Variants in ROCK1 observed in about 807,000 individuals in gnomAD.
The protein encoded by ROCK1 is rho-associated protein kinase 1.
Under a neutral mutation model 196.8 loss-of-function variants are expected in ROCK1, and 36 were observed. The ratio of observed to expected loss-of-function variants is 0.18; its 90% CI spans 0.14 to 0.24. ROCK1 has a LOEUF of 0.24. Among genes scored for constraint, ROCK1 ranks in the 10% least tolerant of loss-of-function variants. The pLI is 1.00. For missense variants in ROCK1, 920 were observed against 1,562.0 expected (o/e 0.59, Z 6.93); for synonymous variants, 443 against 515.9 (o/e 0.86, Z 1.91).
At chr18:20,966,695 C>T (rs955378842) in intron 27 of ROCK1, among the ~76,000 whole-genome samples, 24 of 152,122 alleles carry the variant, frequency 1.6e-4, no homozygotes, top group African/African-American at 5.8e-4. Context: ...TCAGGTAAAG[C>T]TTCTTAGGTC....
At chr18:21,007,935 G>GTTATTTAGCTTATAAAGCTAATAAC (rs1302246377) in intron 14 of ROCK1, 124 bp downstream of exon 14, 3 of 467,302 alleles carry the variant, frequency 6.4e-6, no homozygotes, top group Admixed American at 4.5e-5. Flanking sequence ...TGAGACCTGG[G>GTTATTTAGCTTATAAAGCTAATAAC]TTATTTAGCT....
intron 29 of ROCK1, among the ~76,000 whole-genome samples, chr18:20,959,454 C>T (rs1451535035): frequency 2.0e-5 from 3 of 151,128 alleles, no homozygotes; most frequent in Non-Finnish European, 4.4e-5. Flanking sequence ...TCAGGTGATC[C>T]ACCTGCCTCG....
chr18:20,973,168 C>T (rs576611524), intron 22 of ROCK1, among the ~76,000 whole-genome samples: 2 of 152,306 alleles, frequency 1.3e-5, no homozygotes, highest in African/African-American at 4.8e-5. Flanking sequence ...CGTGAGCCAC[C>T]ACGCCCGGTG....
chr18:21,074,944 T>G (rs543240329), intron 1 of ROCK1, among the ~76,000 whole-genome samples: 1 of 151,518 alleles, frequency 6.6e-6, no homozygotes, highest in African/African-American at 2.4e-5. Context: ...AATCTAGAGG[T>G]GAAAAGCAAC....
At position 21,111,001 on chromosome 18, in the gene ROCK1, G is replaced by T; in HGVS notation, c.-91C>A. The T allele has an allele frequency of 1.9e-6, 2 of 1,072,206 alleles. No homozygotes were observed. Among genetic ancestry groups the T allele is most frequent in the Non-Finnish European group, 2.8e-6 (2 of 705,664 alleles). The allele number at this position is 1,072,206 out of a possible 1,614,324, so 66.4% of individuals were successfully genotyped here. On this transcript the variant is annotated 5_prime_UTR_variant, in exon 1 of 33. Transcript: ENST00000399799. This position sits in a 1 kb window ranked among gnomAD's most constrained non-coding sequence, Gnocchi z 4.2. The stretch of plus-strand genomic sequence containing the variant: ...CCTCCGCGGTGGGTTCGCAGCCGCG[G>T]GGCGGAGGAGCCGGAACCTCAGGGT...
At position 21,022,277 on chromosome 18, in the gene ROCK1, G is replaced by A. The variant is rs562110835; in HGVS notation, c.1272+1343C>T. On this transcript the variant is annotated intron_variant, in intron 11 of 32. Transcript: ENST00000399799. ...TTAACCCAAAAGGACCTTCTGAAAT[G>A]TAAGCAAGTAAGATTTTGTTTTACC... is the stretch of plus-strand genomic sequence containing the variant. Among the ~76,000 whole-genome samples the A allele has an allele frequency of 3.4e-4, 52 of 152,232 alleles. 1 individual carries two copies. The South Asian group carries it at 8.3e-3, about 24-fold the overall frequency.
chr18:21,093,244 C>G (rs1474773420), intron 1 of ROCK1, among the ~76,000 whole-genome samples: 1 of 152,196 alleles, frequency 6.6e-6, no homozygotes, highest in Non-Finnish European at 1.5e-5. Context: ...CACAAGTTCT[C>G]TGGTGGACAA....
intron 1 of ROCK1, among the ~76,000 whole-genome samples, chr18:21,092,042 T>C (rs1427349118): frequency 2.0e-5 from 3 of 152,126 alleles, no homozygotes; most frequent in African/African-American, 7.2e-5. Flanking sequence ...ATGCAGATTT[T>C]CAATTATTAG....
chr18:21,070,065 GAAAT>G lies in ROCK1; in HGVS notation c.175+463_175+466del, dbSNP rs577130773. ...TATCAATATTTATAGTTCAGAAACA[GAAAT>G]AAATAAAGTAAGGAGGACTTTATGA... On this transcript the variant is annotated intron_variant, in intron 2 of 32. Transcript: ENST00000399799. Among the ~76,000 whole-genome samples, 812 of 151,940 alleles carry G rather than the reference GAAAT, an allele frequency of 5.3e-3. 4 individuals carry two copies. Among genetic ancestry groups the G allele is most frequent in the African/African-American group, 0.016 (655 of 41,516 alleles).
intron 2 of ROCK1, among the ~76,000 whole-genome samples, chr18:21,069,301 T>A (rs138604817): frequency 6.6e-6 from 1 of 152,136 alleles, no homozygotes; most frequent in Admixed American, 6.5e-5. Context: ...GCATAAACTA[T>A]CCTTGGTCAT....
At chr18:21,072,522 A>C (rs1241581766) in intron 1 of ROCK1, among the ~76,000 whole-genome samples, 1 of 152,208 alleles carries the variant, frequency 6.6e-6, no homozygotes, top group Non-Finnish European at 1.5e-5. Flanking sequence ...CAGGAACCTT[A>C]GCTTTTATTC....
Position 21,026,411 on chromosome 18 carries a change from TC to T in ROCK1, c.1211+2364del, listed in dbSNP as rs1266737415. ...GTGAGCCGAGATCGTGCCATTGCAC[TC>T]CAGCCTGGGCAACAAGAGCAAAACT... is the stretch of plus-strand genomic sequence containing the variant. On this transcript the variant is annotated intron_variant, in intron 10 of 32. Coordinates refer to ENST00000399799, the MANE Select transcript of ROCK1 (RefSeq NM_005406.3). Among the ~76,000 whole-genome samples, 5 of 123,136 alleles carry T rather than the reference TC, an allele frequency of 4.1e-5. No homozygotes were observed. The East Asian group carries it at 1.2e-3, about 31-fold the overall frequency. 80.8% of individuals were successfully genotyped at this position (123,136 alleles called of 152,430 possible).
chr18:21,093,734 AAGACTTGGTTAGG>A (rs1568408489), intron 1 of ROCK1, among the ~76,000 whole-genome samples: 2 of 152,054 alleles, frequency 1.3e-5, no homozygotes, highest in African/African-American at 4.8e-5. Flanking sequence ...CAGGCAGATC[AAGACTTGGTTAGG>A]AGATTGAAAC....
intron 29 of ROCK1, among the ~76,000 whole-genome samples, chr18:20,958,987 TAAA>T (rs1171489790): frequency 1.2e-5 from 1 of 86,242 alleles, no homozygotes; most frequent in Admixed American, 2.0e-4. Context: ...ATATATTTTA[TAAA>T]AAATAATATA....
At chr18:21,109,416 C>A (rs913269282) in intron 1 of ROCK1, among the ~76,000 whole-genome samples, 1 of 152,072 alleles carries the variant, frequency 6.6e-6, no homozygotes, top group Non-Finnish European at 1.5e-5. Flanking sequence ...AAAATAAAAT[C>A]AAAAATATAT....
intron 2 of ROCK1, among the ~76,000 whole-genome samples, chr18:21,061,553 C>A (rs1041307132): frequency 2.0e-5 from 3 of 152,138 alleles, no homozygotes; most frequent in African/African-American, 7.2e-5. Context: ...GTGTTGCAGA[C>A]AAGACTATGT....
chr18:21,107,271 A>C (rs529677471), intron 1 of ROCK1, among the ~76,000 whole-genome samples: 45 of 152,328 alleles, frequency 3.0e-4, no homozygotes, highest in African/African-American at 1.0e-3. Context: ...TTAGTGTCTC[A>C]ACAAAAAAGC....
chr18:21,080,145 A>G (rs1255974047), intron 1 of ROCK1, among the ~76,000 whole-genome samples: 3 of 152,196 alleles, frequency 2.0e-5, no homozygotes, highest in Non-Finnish European at 2.9e-5. Flanking sequence ...CATCAAAGCC[A>G]TATCACTAGC....
intron 24 of ROCK1, 38 bp from the exon 25 acceptor site, chr18:20,968,898 T>G: frequency 7.6e-7 from 1 of 1,313,262 alleles, no homozygotes; most frequent in South Asian, 1.2e-5. Context: ...TGTATGGTAT[T>G]AATTTAATTT....
Sources: gnomAD v4.1 joint callset for allele counts (sites outside exome capture counted in the v4.1 genomes callset) on GRCh38, gnomAD v4.1.1 for gene constraint, Gnocchi (gnomAD v3.1) non-coding constraint, MANE v1.5 for transcripts, NCBI Gene and HGNC (gene_info 2026-07-23, HGNC 2026-07-21) for gene names.